Variants in DTL observed in about 807,000 individuals in gnomAD.
DTL encodes the protein denticleless protein homolog.
A neutral mutation model predicts 87.0 loss-of-function variants in DTL; 46 were observed. The ratio of observed to expected loss-of-function variants is 0.53; its 90% confidence interval spans 0.42 to 0.68. The LOEUF is 0.68. Ranked by LOEUF, DTL falls within the 30% of genes least tolerant of loss-of-function variation. The pLI is 0.00. For missense variants in DTL, 737 were observed against 869.4 expected (o/e 0.85, Z 1.91); for synonymous variants, 308 against 311.2 (o/e 0.99, Z 0.11).
chr1:212,045,603 A>G (rs1302517030), intron 3 of DTL, among the ~76,000 whole-genome samples: 2 of 152,260 alleles, frequency 1.3e-5, no homozygotes, highest in African/African-American at 4.8e-5. Context: ...CACTGGTGTC[A>G]AAGAGAAAGC....
chr1:212,059,786 A>C, intron 5 of DTL, among the ~76,000 whole-genome samples: 1 of 45,674 alleles, frequency 2.2e-5, no homozygotes. Context: ...CTACAAAAAA[A>C]AAAAAAAAAA....
intron 10 of DTL, among the ~76,000 whole-genome samples, chr1:212,070,764 G>C (rs1654647950): frequency 1.3e-5 from 2 of 152,192 alleles, no homozygotes; most frequent in East Asian, 3.9e-4. Context: ...AGGATGACTT[G>C]GTTGGAAGTA....
chr1:212,046,522 A>G (rs1196874440), intron 3 of DTL, among the ~76,000 whole-genome samples: 1 of 151,852 alleles, frequency 6.6e-6, no homozygotes, highest in African/African-American at 2.4e-5. Flanking sequence ...GCTCCCACTT[A>G]TGAGTGAGAA....
Position 212,066,832 on chromosome 1 carries a change from T to C in DTL, c.660T>C (p.Thr220=). ...APSVDFQQSV[T]VVLFQDENTL... ...ATCAGGATTTCCAGCAAAGTGTTACTGTGGTCCTCTTTCAAGACGAGAATA... is the reference window on the plus strand; with the variant it reads ...ATCAGGATTTCCAGCAAAGTGTTACCGTGGTCCTCTTTCAAGACGAGAATA... The change falls in exon 8 of 15, where the codon ACT becomes ACC. Residue 220 remains threonine, a synonymous_variant. Transcript: ENST00000366991. 5.0e-6 allele frequency: 8 copies of C among 1,613,956 alleles called. No homozygotes were observed. The highest frequency in any genetic ancestry group is 6.8e-6 in the Non-Finnish European group (8 of 1,179,824).
rs537574215 is a variant in DTL, at chr1:212,102,919, T to A, written c.2172T>A (p.Pro724=). 6.2e-7 allele frequency: 1 copy of A among 1,604,414 alleles called. No individual in the cohort carries two copies. The highest frequency in any genetic ancestry group is 8.5e-7 in the Non-Finnish European group (1 of 1,171,684). The change falls in exon 15 of 15, where the codon CCT becomes CCA. Residue 724 remains proline (P), a synonymous_variant. Transcript: ENST00000366991. Reference sequence around the variant, plus strand: ...AGTCCCAGGAGGACTTCTGTGGTCCTGAACACTCAACAGAATTATAGATTC... The same window carrying A: ...AGTCCCAGGAGGACTTCTGTGGTCCAGAACACTCAACAGAATTATAGATTC... ...HRKSQEDFCG[P]EHSTEL is the part of the protein sequence containing the mutation.
At chr1:212,054,398 C>CCA (rs1168966653) in intron 5 of DTL, among the ~76,000 whole-genome samples, 3 of 145,308 alleles carry the variant, frequency 2.1e-5, no homozygotes, top group African/African-American at 2.7e-5. Context: ...CAAGGTAAAA[C>CCA]CACACACACA....
chr1:212,091,728 A>AGG (rs1406023338), intron 13 of DTL, among the ~76,000 whole-genome samples: 4 of 152,228 alleles, frequency 2.6e-5, no homozygotes, highest in African/African-American at 9.6e-5. Context: ...GTGGAATCTT[A>AGG]AAAAGTTGAA....
intron 4 of DTL, 27 bp downstream of exon 4, chr1:212,047,239 T>A: frequency 6.2e-7 from 1 of 1,614,184 alleles, no homozygotes; most frequent in African/African-American, 1.3e-5. Context: ...CATTAGGATC[T>A]GGGTAAATAC....
chr1:212,068,537 A>T, intron 9 of DTL, 62 bp from the exon 10 acceptor site: 1 of 1,125,698 alleles, frequency 8.9e-7, no homozygotes, highest in South Asian at 1.3e-5. Flanking sequence ...TTGTCTCTAC[A>T]TTTTAACCTC....
At chr1:212,039,885 G>C (rs1300595361) in intron 1 of DTL, among the ~76,000 whole-genome samples, 1 of 152,204 alleles carries the variant, frequency 6.6e-6, no homozygotes, top group African/African-American at 2.4e-5. Context: ...AGGACTGGGG[G>C]TTGCTGTGAG....
intron 13 of DTL, among the ~76,000 whole-genome samples, chr1:212,097,904 C>G (rs932682899): frequency 1.7e-5 from 1 of 58,128 alleles, no homozygotes; most frequent in Non-Finnish European, 3.4e-5. Flanking sequence ...TTCTTTTGTC[C>G]CACAGAGTGA....
Position 212,047,437 on chromosome 1 carries a change from C to CT in DTL, c.460+23dup. 6.2e-7 allele frequency: 1 copy of CT among 1,614,020 alleles called. No individual in the cohort carries two copies. Among genetic ancestry groups the CT allele is most frequent in the Non-Finnish European group, 8.5e-7 (1 of 1,179,948 alleles). On this transcript the variant is annotated intron_variant, in intron 5 of 14. Transcript: ENST00000366991. ...AGAAAGGTAGGTTTGTGCTTATCTT[C>CT]TTTCATCTCCTTAACCTTCTTTGCA...
intron 1 of DTL, among the ~76,000 whole-genome samples, chr1:212,037,199 C>T (rs909603095): frequency 6.6e-6 from 1 of 152,206 alleles, no homozygotes; most frequent in African/African-American, 2.4e-5. Context: ...TGTTCAGCCT[C>T]TATTTTGTGA....
At chr1:212,063,393 A>G (rs926202322) in intron 6 of DTL, among the ~76,000 whole-genome samples, 5 of 151,552 alleles carry the variant, frequency 3.3e-5, no homozygotes, top group Middle Eastern at 3.2e-3. Flanking sequence ...GGTTCCAGCA[A>G]TTCCTCTAGC....
chr1:212,092,582 A>G (rs1446837020), intron 13 of DTL, among the ~76,000 whole-genome samples: 1 of 152,052 alleles, frequency 6.6e-6, no homozygotes, highest in Non-Finnish European at 1.5e-5. Flanking sequence ...GGTTCCTGCA[A>G]ATGCCATTAT....
intron 5 of DTL, among the ~76,000 whole-genome samples, chr1:212,047,643 C>T (rs1232189752): frequency 6.6e-6 from 1 of 152,218 alleles, no homozygotes; most frequent in Non-Finnish European, 1.5e-5. Flanking sequence ...TCAAGTGATT[C>T]TCCTGCGTCA....
At chr1:212,042,713 G>T (rs780321616) in intron 1 of DTL, among the ~76,000 whole-genome samples, 2 of 152,084 alleles carry the variant, frequency 1.3e-5, no homozygotes, top group Non-Finnish European at 2.9e-5. Context: ...AATATGCAGA[G>T]GCCTCTTGTT....
intron 5 of DTL, among the ~76,000 whole-genome samples, chr1:212,048,750 T>C (rs1353036458): frequency 6.6e-6 from 1 of 152,028 alleles, no homozygotes; most frequent in Non-Finnish European, 1.5e-5. Context: ...AAGGAGTCTC[T>C]GAAGTAATCT....
Position 212,100,673 on chromosome 1 carries a change from G to A in DTL, c.1683G>A (p.Glu561=). 6.2e-7 allele frequency: 1 copy of A among 1,614,132 alleles called. No individual in the cohort carries two copies. The highest frequency in any genetic ancestry group is 8.5e-7 in the Non-Finnish European group (1 of 1,180,036). Residue 561 remains glutamate, a synonymous_variant, in exon 14 of 15, where the codon GAG becomes GAA. Transcript: ENST00000366991. ...VKRRLDSSCL[E]SVKQKCVKSC... ...GGAGGCTAGACTCAAGCTGTCTGGA[G>A]AGTGTGAAACAAAAGTGTGTGAAGA...
Sources: allele counts gnomAD v4.1 joint callset (sites outside exome capture counted in the v4.1 genomes callset), GRCh38; gene constraint gnomAD v4.1.1; transcripts MANE v1.5; gene names NCBI Gene and HGNC (gene_info 2026-07-23, HGNC 2026-07-21).